The following PCM1 variants were observed in gnomAD, a reference collection of about 807,000 sequenced individuals.
PCM1 encodes the protein pericentriolar material 1 protein.
Under a neutral mutation model 241.9 loss-of-function variants are expected in PCM1, and 157 were observed. The observed-to-expected ratio is 0.65, with a 90% CI of 0.57 to 0.74. The LOEUF is 0.74. PCM1 is among the 30% of genes least tolerant of loss of function. The pLI, the probability that PCM1 is intolerant of heterozygous loss-of-function variation, is 0.00. For synonymous variants in PCM1, 1,085 were observed against 784.9 expected, an observed-to-expected ratio of 1.38 and a Z score of -6.39; for missense variants, 3,478 against 2,360.1, an observed-to-expected ratio of 1.47 and a Z score of -9.81.
intron 24 of PCM1, among the ~76,000 whole-genome samples, chr8:17,983,041 C>T (rs929570566): frequency 1.3e-5 from 2 of 152,132 alleles, no homozygotes; most frequent in East Asian, 1.9e-4. Flanking sequence ...CCTTAATATA[C>T]GTTTATAGCA....
At chr8:18,022,117 T>A (rs1437226315) in intron 36 of PCM1, among the ~76,000 whole-genome samples, 1 of 151,834 alleles carries the variant, frequency 6.6e-6, no homozygotes, top group Non-Finnish European at 1.5e-5. Context: ...AACTTCAGGG[T>A]TTTCAGCCTT....
At chr8:17,956,938 T>G (rs984590683) in intron 11 of PCM1, among the ~76,000 whole-genome samples, 161 bp downstream of exon 11, 5 of 152,214 alleles carry the variant, frequency 3.3e-5, no homozygotes, top group African/African-American at 9.6e-5. Context: ...TGAAGAAAGA[T>G]GAATAGGGAA....
At chr8:17,968,782 A>T (rs1452151278) in intron 21 of PCM1, among the ~76,000 whole-genome samples, 1 of 149,070 alleles carries the variant, frequency 6.7e-6, no homozygotes, top group African/African-American at 2.5e-5. Context: ...ATATATACAC[A>T]CCACAGTGTT....
At chr8:17,982,373 A>C (rs953041196) in intron 24 of PCM1, among the ~76,000 whole-genome samples, 1 of 152,230 alleles carries the variant, frequency 6.6e-6, no homozygotes, top group Non-Finnish European at 1.5e-5. Context: ...ATAATTGGAC[A>C]TAGTACTTCA....
At chr8:17,968,926 C>T (rs1248410267) in intron 21 of PCM1, among the ~76,000 whole-genome samples, 2 of 151,930 alleles carry the variant, frequency 1.3e-5, no homozygotes, top group Non-Finnish European at 2.9e-5. Context: ...AAATGCTCTT[C>T]CTTTTTACTA....
In PCM1 at chr8:17,985,988, C is replaced by A; in HGVS notation, c.4311C>A (p.Ser1437Arg). 1 of 1,576,912 alleles carries A rather than the reference C, an allele frequency of 6.3e-7. No individual in the cohort carries two copies. Among genetic ancestry groups the A allele is most frequent in the South Asian group, 1.1e-5 (1 of 87,340 alleles). ...TAGTATCCAGACATATTTCTGAGAGCCATGAAAAAGGAGAAAATGTAAAGT... is the reference window on the plus strand; with the variant it reads ...TAGTATCCAGACATATTTCTGAGAGACATGAAAAAGGAGAAAATGTAAAGT... ...QDIVSRHISE[S>R]HEKGENVKSV... The change falls in exon 26 of 39, where the codon AGC becomes AGA. Residue 1437 changes from serine to arginine, a missense_variant. Ser to Arg is a moderately radical substitution (Grantham distance 110, BLOSUM62 -1). Coordinates refer to ENST00000325083, the MANE Select transcript of PCM1 (RefSeq NM_006197.4).
chr8:17,985,611 G>T lies in PCM1; in HGVS notation c.4273G>T (p.Ala1425Ser). The change falls in exon 25 of 39, where the codon GCA (alanine) becomes TCA (serine). Residue 1425 changes from alanine (A) to serine (S), a missense_variant. By Grantham distance (99) the Ala-to-Ser change is moderately conservative. Coordinates refer to ENST00000325083, the MANE Select transcript of PCM1 (RefSeq NM_006197.4). Reference protein sequence around the residue: ...TDYLRQRALYALQDIVSRHIS... With the variant: ...TDYLRQRALYSLQDIVSRHIS... ...CTACTTGAGACAGAGGGCTTTATAT[G>T]CATTGCAGGTATCTGGTACCTAACA... 2 of 1,603,566 alleles carry T rather than the reference G, an allele frequency of 1.2e-6. No individual in the cohort carries two copies. The highest frequency in any genetic ancestry group is 8.5e-7 in the Non-Finnish European group (1 of 1,174,064).
chr8:17,977,036 A>C (rs2079017131), intron 23 of PCM1, among the ~76,000 whole-genome samples: 1 of 152,202 alleles, frequency 6.6e-6, no homozygotes, highest in South Asian at 2.1e-4. Context: ...AATTTTGATT[A>C]AAATTTATTC....
chr8:18,027,554 TA>T, intron 38 of PCM1, 82 bp from the exon 39 acceptor site: 1 of 930,460 alleles, frequency 1.1e-6, no homozygotes. Context: ...ATATTAAAAG[TA>T]AAAGCTTTAA....
In PCM1 at chr8:17,980,583, T is replaced by TA; in HGVS notation, c.3944-7dup. 1 of 1,561,536 alleles carries TA rather than the reference T, an allele frequency of 6.4e-7. No homozygotes were observed. Among genetic ancestry groups the TA allele is most frequent in the Non-Finnish European group, 8.6e-7 (1 of 1,157,320 alleles). Reference sequence around the variant, plus strand: ...AACTGATAACAGTTGTCACTTTTTTTACTCAAGGGTATGAAAGTGCCAGTA... The same window carrying TA: ...AACTGATAACAGTTGTCACTTTTTTTAACTCAAGGGTATGAAAGTGCCAGTA... On this transcript the variant is annotated splice_region_variant and splice_polypyrimidine_tract_variant and intron_variant, in intron 23 of 38. Transcript: ENST00000325083.
intron 2 of PCM1, among the ~76,000 whole-genome samples, chr8:17,932,310 T>C (rs1245524293): frequency 1.3e-5 from 2 of 152,162 alleles, no homozygotes; most frequent in Non-Finnish European, 2.9e-5. Flanking sequence ...GAGGTAGAAT[T>C]ACTGCGTCAA....
chr8:18,018,388 A>C (rs1201540334), intron 36 of PCM1, among the ~76,000 whole-genome samples: 1 of 152,242 alleles, frequency 6.6e-6, no homozygotes, highest in African/African-American at 2.4e-5. Context: ...GTAAGCCTAT[A>C]AAAATACAAA....
At chr8:17,948,911 G>C (rs755414641) in intron 7 of PCM1, among the ~76,000 whole-genome samples, 1 of 152,084 alleles carries the variant, frequency 6.6e-6, no homozygotes, top group Non-Finnish European at 1.5e-5. Context: ...GAGATTTCTA[G>C]GTTAGTCAGA....
intron 21 of PCM1, among the ~76,000 whole-genome samples, chr8:17,969,166 A>G (rs2076049081): frequency 6.6e-6 from 1 of 152,162 alleles, no homozygotes; most frequent in African/African-American, 2.4e-5. Flanking sequence ...CTGAGATCTA[A>G]TCATCTTTTT....
chr8:18,014,774 G>A lies in PCM1; in HGVS notation c.5775G>A (p.Gln1925=). 6.2e-7 allele frequency: 1 copy of A among 1,610,280 alleles called. No individual in the cohort carries two copies. The highest frequency in any genetic ancestry group is 8.5e-7 in the Non-Finnish European group (1 of 1,179,326). ...VPRVKEVKSA[Q]ETPESSLAGS... is the part of the protein sequence containing the mutation. The stretch of plus-strand genomic sequence containing the variant: ...GAGTCAAAGAAGTTAAATCTGCTCA[G>A]GAAACTCCTGAAAGCTCTCTGGCTG... Residue 1925 remains glutamine, a synonymous_variant, in exon 36 of 39, where the codon CAG becomes CAA. Coordinates refer to ENST00000325083, the MANE Select transcript of PCM1 (RefSeq NM_006197.4).
chr8:18,011,277 C>G lies in PCM1; in HGVS notation c.5261C>G (p.Ser1754Cys), dbSNP rs772980386. Reference sequence around the variant, plus strand: ...GAAACAGTTAAGCAGACTCAAACATCTGAGGTGTATGATGGTCCCAAAAAT... The same window carrying G: ...GAAACAGTTAAGCAGACTCAAACATGTGAGGTGTATGATGGTCCCAAAAAT... ...ETETVKQTQT[S>C]EVYDGPKNVR... The change falls in exon 33 of 39, where the codon TCT becomes TGT. Residue 1754 changes from serine to cysteine, a missense_variant. Ser to Cys is a moderately radical substitution (Grantham distance 112, BLOSUM62 -1). Coordinates refer to ENST00000325083, the MANE Select transcript of PCM1 (RefSeq NM_006197.4). 5 of 1,606,660 alleles carry G rather than the reference C, an allele frequency of 3.1e-6. No homozygotes were observed. The East Asian group carries it at 1.1e-4, about 36-fold the overall frequency.
Position 18,027,725 on chromosome 8 carries a change from C to G in PCM1, c.*63C>G, listed in dbSNP as rs1006886179. On this transcript the variant is annotated 3_prime_UTR_variant, in exon 39 of 39. Transcript: ENST00000325083. ...ACTCAATGCATATATGAAAACAATA[C>G]TAAATAAACATCTGATCTGTATAAA... The G allele has an allele frequency of 1.5e-5, 18 of 1,172,198 alleles. No homozygotes were observed. Among genetic ancestry groups the G allele is most frequent in the Non-Finnish European group, 2.2e-5 (18 of 805,466 alleles). 72.6% of individuals were successfully genotyped at this position (1,172,198 alleles called of 1,614,324 possible).
At position 17,972,657 on chromosome 8, in the gene PCM1, A is replaced by C. The variant is rs1233258218; in HGVS notation, c.3913A>C (p.Thr1305Pro). ...PKSKSKKRNS[T>P]QLKSRVKNIR... is the part of the protein sequence containing the mutation. ...GTCAAAAAGTAAGAAGAGGAATTCT[A>C]CTCAGCTGAAAAGCAGAGTTAAAAA... is the stretch of plus-strand genomic sequence containing the variant. Residue 1305 changes from threonine to proline, a missense_variant, in exon 23 of 39, where the codon ACT becomes CCT. Transcript: ENST00000325083. 28 of 1,571,718 alleles carry C rather than the reference A, an allele frequency of 1.8e-5. No individual in the cohort carries two copies. Among genetic ancestry groups the C allele is most frequent in the Non-Finnish European group, 2.3e-5 (27 of 1,162,330 alleles).
At chr8:17,934,664 C>G (rs1585770097) in intron 2 of PCM1, 2 of 152,186 alleles carry the variant, frequency 1.3e-5, no homozygotes, top group South Asian at 4.2e-4. Flanking sequence ...TTTCATGTCC[C>G]TTGAATTTTA....
Sources: gnomAD v4.1 joint callset for allele counts (sites outside exome capture counted in the v4.1 genomes callset) on GRCh38, gnomAD v4.1.1 for gene constraint, MANE v1.5 for transcripts, NCBI Gene and HGNC (gene_info 2026-07-23, HGNC 2026-07-21) for gene names.